LRRTM4: variants seen among roughly 807,000 people sequenced by gnomAD.
LRRTM4 encodes leucine rich repeat transmembrane neuronal 4, also known as leucine-rich repeat transmembrane neuronal protein 4.
A neutral mutation model predicts 47.6 loss-of-function variants in LRRTM4; 25 were observed. The observed-to-expected ratio is 0.53, with a 90% CI of 0.38 to 0.73. LRRTM4 has a LOEUF of 0.73. Ranked by LOEUF, LRRTM4 falls within the 30% of genes least tolerant of loss-of-function variation. The pLI is 0.00. For synonymous variants in LRRTM4, 311 were observed against 269.5 expected (o/e 1.15, Z -1.51); for missense variants, 638 against 713.4 (o/e 0.89, Z 1.20).
chr2:77,173,896 T>C (rs553273662), intron 3 of LRRTM4, among the ~76,000 whole-genome samples: 1 of 152,326 alleles, frequency 6.6e-6, no homozygotes, highest in East Asian at 1.9e-4. Flanking sequence ...TTGAACCTTT[T>C]TCTAAAAGAA....
At chr2:77,317,097 A>T (rs1161434797) in intron 3 of LRRTM4, among the ~76,000 whole-genome samples, 2 of 152,198 alleles carry the variant, frequency 1.3e-5, no homozygotes, top group Non-Finnish European at 2.9e-5. Flanking sequence ...AATCACATTT[A>T]AGAGCCTTTT....
intron 3 of LRRTM4, among the ~76,000 whole-genome samples, chr2:77,453,829 A>G (rs934050246): frequency 3.9e-5 from 6 of 152,228 alleles, no homozygotes; most frequent in East Asian, 1.9e-4. Context: ...TTTAATTTAT[A>G]CTTTCATAAT....
intron 3 of LRRTM4, among the ~76,000 whole-genome samples, chr2:77,342,247 T>C (rs1671399467): frequency 6.6e-6 from 1 of 151,886 alleles, no homozygotes; most frequent in Non-Finnish European, 1.5e-5. Context: ...ACGTCAGTGG[T>C]TTTCAACCAG....
intron 3 of LRRTM4, among the ~76,000 whole-genome samples, chr2:77,050,128 C>CGTTTTTT (rs1679380547): frequency 8.9e-6 from 1 of 112,698 alleles, no homozygotes; most frequent in African/African-American, 3.5e-5. Flanking sequence ...AGAACCAAGT[C>CGTTTTTT]TTTTTTTTTT....
chr2:76,781,575 C>T (rs1022426321), intron 3 of LRRTM4, among the ~76,000 whole-genome samples: 7 of 152,222 alleles, frequency 4.6e-5, no homozygotes, highest in East Asian at 1.9e-4. Context: ...TGACCCCTTG[C>T]GCTTCCCAAG....
chr2:77,072,762 T>C (rs1192202511), intron 3 of LRRTM4, among the ~76,000 whole-genome samples: 4 of 121,586 alleles, frequency 3.3e-5, no homozygotes, highest in Non-Finnish European at 6.3e-5. Context: ...TCACACCACT[T>C]CACTCCAGCC....
chr2:77,073,476 TG>T (rs1331682095), intron 3 of LRRTM4, among the ~76,000 whole-genome samples: 8 of 151,934 alleles, frequency 5.3e-5, no homozygotes, highest in Non-Finnish European at 1.0e-4. Context: ...TTCCATTATT[TG>T]TTTTTTCTAT....
intron 3 of LRRTM4, among the ~76,000 whole-genome samples, chr2:77,170,401 A>G (rs546491822): frequency 6.6e-6 from 1 of 152,280 alleles, no homozygotes; most frequent in South Asian, 2.1e-4. Flanking sequence ...AAGGAACTAG[A>G]TTCTGCCAGT....
intron 3 of LRRTM4, among the ~76,000 whole-genome samples, chr2:76,936,434 T>C (rs1674950994): frequency 6.6e-6 from 1 of 150,774 alleles, no homozygotes; most frequent in Non-Finnish European, 1.5e-5. Context: ...CTGGGGCCTG[T>C]TGAGGGTGGG....
chr2:77,181,303 G>A (rs912604847), intron 3 of LRRTM4, among the ~76,000 whole-genome samples: 17 of 152,116 alleles, frequency 1.1e-4, no homozygotes, highest in African/African-American at 4.1e-4. Context: ...TGAAGTACAT[G>A]AGGGAAAGGA....
At chr2:77,078,357 ATGTT>A (rs746055458) in intron 3 of LRRTM4, among the ~76,000 whole-genome samples, 84 of 143,094 alleles carry the variant, frequency 5.9e-4, no homozygotes, top group Non-Finnish European at 1.0e-3. Flanking sequence ...TGAAAAAAAT[ATGTT>A]TGTCTATTAC....
intron 3 of LRRTM4, among the ~76,000 whole-genome samples, chr2:77,508,250 G>A (rs530542560): frequency 6.6e-6 from 1 of 152,248 alleles, no homozygotes; most frequent in African/African-American, 2.4e-5. Flanking sequence ...GGAATGTGAA[G>A]TAATCAGACT....
At chr2:77,292,771 A>G (rs1676863647) in intron 3 of LRRTM4, among the ~76,000 whole-genome samples, 2 of 151,392 alleles carry the variant, frequency 1.3e-5, no homozygotes, top group East Asian at 3.9e-4. Context: ...TGGGTGCAGC[A>G]CACCAGCATG....
chr2:77,011,529 ATTTGTGTGTGTGTG>A (rs1677873441), intron 3 of LRRTM4, among the ~76,000 whole-genome samples: 3 of 112,182 alleles, frequency 2.7e-5, no homozygotes, highest in Non-Finnish European at 5.6e-5. Context: ...AGGAAGAAGC[ATTTGTGTGTGTGTG>A]TGTGTGTGTG....
chr2:76,905,833 A>G (rs1223841986), intron 3 of LRRTM4, among the ~76,000 whole-genome samples: 1 of 152,240 alleles, frequency 6.6e-6, no homozygotes, highest in Non-Finnish European at 1.5e-5. Flanking sequence ...CCTCCAAGAA[A>G]TATGGGACTT....
chr2:77,218,982 G>A (rs560006051), intron 3 of LRRTM4, among the ~76,000 whole-genome samples: 28 of 152,314 alleles, frequency 1.8e-4, no homozygotes, highest in African/African-American at 4.1e-4. Context: ...CGTGCTAGGC[G>A]CTGCCAGAGT....
intron 3 of LRRTM4, among the ~76,000 whole-genome samples, chr2:77,050,937 C>G (rs999176020): frequency 6.6e-5 from 10 of 151,942 alleles, no homozygotes; most frequent in African/African-American, 2.2e-4. Context: ...GTAATCATGA[C>G]AATGTCTTAT....
intron 3 of LRRTM4, among the ~76,000 whole-genome samples, chr2:77,021,767 A>T (rs933506165): frequency 1.3e-5 from 2 of 152,194 alleles, no homozygotes; most frequent in African/African-American, 2.4e-5. Context: ...GAAAGTGGTT[A>T]TTTAGCAATA....
At chr2:77,126,797 T>C (rs1249764279) in intron 3 of LRRTM4, among the ~76,000 whole-genome samples, 1 of 152,056 alleles carries the variant, frequency 6.6e-6, no homozygotes, top group Non-Finnish European at 1.5e-5. Context: ...CAAAGGAAAA[T>C]CAAGCATTCA....
Sources: gnomAD v4.1 joint callset for allele counts (sites outside exome capture counted in the v4.1 genomes callset) on GRCh38, gnomAD v4.1.1 for gene constraint, MANE v1.5 for transcripts, NCBI Gene and HGNC (gene_info 2026-07-23, HGNC 2026-07-21) for gene names.